The following ITGB3 variants were observed in gnomAD, a reference collection of about 807,000 sequenced individuals.
ITGB3 encodes integrin beta-3.
ITGB3 carries 48 observed loss-of-function variants against 85.8 expected under a neutral mutation model. The ratio of observed to expected loss-of-function variants is 0.56; its 90% CI spans 0.44 to 0.71. ITGB3 has a LOEUF of 0.71. Ranked by LOEUF, ITGB3 falls within the 30% of genes least tolerant of loss-of-function variation. ITGB3 has a pLI of 0.00. For synonymous variants in ITGB3, 363 were observed against 395.6 expected, an observed-to-expected ratio of 0.92 and a Z score of 0.98; for missense variants, 861 against 1,019.1, an observed-to-expected ratio of 0.84 and a Z score of 2.11.
intron 2 of ITGB3, among the ~76,000 whole-genome samples, chr17:47,278,350 G>C (rs2065070862): frequency 6.6e-6 from 1 of 152,222 alleles, no homozygotes; most frequent in East Asian, 1.9e-4. Flanking sequence ...CAGGGCCAAA[G>C]TGGGCAGATC....
chr17:47,263,367 C>A (rs2065014928), intron 1 of ITGB3, among the ~76,000 whole-genome samples: 2 of 152,126 alleles, frequency 1.3e-5, no homozygotes, highest in Admixed American at 1.3e-4. Context: ...ACAGGACCTG[C>A]CCTAGATCTT....
intron 1 of ITGB3, among the ~76,000 whole-genome samples, chr17:47,255,995 A>T (rs1380694703): frequency 6.7e-6 from 1 of 149,700 alleles, no homozygotes; most frequent in Non-Finnish European, 1.5e-5. Context: ...AAATAAATAA[A>T]TACATAATTA....
intron 12 of ITGB3, among the ~76,000 whole-genome samples, chr17:47,302,427 G>A (rs1170339143): frequency 1.3e-5 from 2 of 152,122 alleles, no homozygotes; most frequent in South Asian, 2.1e-4. Context: ...ATCACACAAC[G>A]GGTAGGTAGT....
chr17:47,256,541 GGGTCTTCA>G (rs2064990938), intron 1 of ITGB3, among the ~76,000 whole-genome samples: 1 of 151,932 alleles, frequency 6.6e-6, no homozygotes, highest in African/African-American at 2.4e-5. Context: ...GTTGGTGGTA[GGGTCTTCA>G]GATCCCTGGG....
chr17:47,262,438 A>G (rs2082089522), intron 1 of ITGB3, among the ~76,000 whole-genome samples: 2 of 152,222 alleles, frequency 1.3e-5, no homozygotes, highest in Admixed American at 1.3e-4. Flanking sequence ...ATATCAGGCC[A>G]TCAGGAAGAA....
intron 2 of ITGB3, among the ~76,000 whole-genome samples, chr17:47,279,050 A>AC (rs1305007527): frequency 7.2e-5 from 11 of 152,196 alleles, no homozygotes; most frequent in African/African-American, 2.4e-4. Context: ...TTACTTCCTG[A>AC]CCAACCCTGT....
chr17:47,283,520 C>A lies in ITGB3; in HGVS notation c.332C>A (p.Pro111His). ...GDSSQVTQVS[P>H]QRIALRLRPD... ...AGCTCCCAGGTCACTCAAGTCAGTC[C>A]CCAGAGGATTGCACTCCGGCTCCGG... Residue 111 changes from proline (P) to histidine (H), a missense_variant, in exon 3 of 15, where the codon CCC becomes CAC. Pro to His is a moderately conservative substitution (Grantham distance 77, BLOSUM62 -2). Transcript: ENST00000559488. 1.2e-6 allele frequency: 2 copies of A among 1,614,180 alleles called. No homozygotes were observed. Among genetic ancestry groups the A allele is most frequent in the African/African-American group, 2.7e-5 (2 of 75,034 alleles).
At chr17:47,257,026 CTT>C (rs944887624) in intron 1 of ITGB3, among the ~76,000 whole-genome samples, 2 of 152,168 alleles carry the variant, frequency 1.3e-5, no homozygotes, top group Non-Finnish European at 2.9e-5. Context: ...TACCTAATCT[CTT>C]GAGTCCTCAG....
chr17:47,292,146 T>G lies in ITGB3; in HGVS notation c.1268T>G (p.Phe423Cys), dbSNP rs1380825590. The G allele has an allele frequency of 2.5e-6, 4 of 1,614,028 alleles. No individual in the cohort carries two copies. The Admixed American group carries it at 6.7e-5, about 27-fold the overall frequency. ...ATCTTTCTTTCCATCCAGGTGAGCTTCAGCATTGAGGCCAAGGTGCGAGGC... is the reference window on the plus strand; with the variant it reads ...ATCTTTCTTTCCATCCAGGTGAGCTGCAGCATTGAGGCCAAGGTGCGAGGC... The part of the protein sequence containing the change: ...MGLKIGDTVS[F>C]SIEAKVRGCP... Residue 423 changes from phenylalanine (F) to cysteine (C), a missense_variant, in exon 10 of 15, where the codon TTC becomes TGC. By Grantham distance (205) the Phe-to-Cys change is radical. Coordinates refer to ENST00000559488, the MANE Select transcript of ITGB3 (RefSeq NM_000212.3).
intron 2 of ITGB3, among the ~76,000 whole-genome samples, chr17:47,274,839 G>T (rs116656918): frequency 0.042 from 6,347 of 152,212 alleles, 192 homozygotes; most frequent in Admixed American, 0.097. Context: ...TAGAGACAGG[G>T]TCTCACTATG....
chr17:47,254,203 G>T (rs1002690721), intron 1 of ITGB3, among the ~76,000 whole-genome samples: 1 of 152,196 alleles, frequency 6.6e-6, no homozygotes, highest in Middle Eastern at 3.4e-3. Flanking sequence ...CTTCCCGGCC[G>T]CCGCGGCGCG....
rs1267041320 is a variant in ITGB3 at position 47,313,211 on chromosome 17, C to T, written c.*3007C>T. Among the ~76,000 whole-genome samples the T allele has an allele frequency of 2.0e-5, 3 of 151,766 alleles. No homozygotes were observed. The highest frequency in any genetic ancestry group is 3.2e-3 in the Middle Eastern group (1 of 314). On this transcript the variant is annotated 3_prime_UTR_variant, in exon 15 of 15. Coordinates refer to ENST00000559488, the MANE Select transcript of ITGB3 (RefSeq NM_000212.3). ...CTGGTCTCGAACTCCTGACCTTAGG[C>T]GATCCACCTTCCTCGGCCTCCCACA...
intron 1 of ITGB3, among the ~76,000 whole-genome samples, chr17:47,267,867 ATTAG>A (rs902277567): frequency 6.6e-6 from 1 of 152,232 alleles, no homozygotes; most frequent in African/African-American, 2.4e-5. Flanking sequence ...CAGTGTCTGT[ATTAG>A]TTCATTTTCA....
At chr17:47,298,955 T>G (rs2065155787) in intron 10 of ITGB3, among the ~76,000 whole-genome samples, 1 of 152,200 alleles carries the variant, frequency 6.6e-6, no homozygotes, top group Admixed American at 6.5e-5. Context: ...TTCTAGTTCT[T>G]AGACTAGAAG....
chr17:47,276,829 A>C (rs2065065625), intron 2 of ITGB3, among the ~76,000 whole-genome samples: 1 of 152,208 alleles, frequency 6.6e-6, no homozygotes, highest in Non-Finnish European at 1.5e-5. Context: ...TTGGACATTG[A>C]CTTCAAAAAA....
At chr17:47,272,405 C>CT (rs908153657) in intron 1 of ITGB3, among the ~76,000 whole-genome samples, 2 of 151,508 alleles carry the variant, frequency 1.3e-5, no homozygotes, top group Non-Finnish European at 2.9e-5. Context: ...AATTATTTCC[C>CT]TTTTTTTTGA....
At chr17:47,295,455 G>A (rs2065142392) in intron 10 of ITGB3, among the ~76,000 whole-genome samples, 1 of 152,026 alleles carries the variant, frequency 6.6e-6, no homozygotes, top group Admixed American at 6.5e-5. Context: ...ACTTTCCGAT[G>A]AACCCGGACT....
chr17:47,302,817 TC>T lies in ITGB3; in HGVS notation c.2113del (p.Leu705CysfsTer4), dbSNP rs780384800. The T allele has an allele frequency of 6.2e-7, 1 of 1,614,182 alleles. No individual in the cohort carries two copies. The highest frequency in any genetic ancestry group is 2.2e-5 in the East Asian group (1 of 44,888). On this transcript the variant is annotated frameshift_variant, in exon 13 of 15. Coordinates refer to ENST00000559488, the MANE Select transcript of ITGB3 (RefSeq NM_000212.3). LOFTEE classifies it high-confidence loss of function. ...TATGAAGATTCTAGTGGAAAGTCCA[TC>T]CTGTATGTGGTAGAAGAGCCAGGTG... is the stretch of plus-strand genomic sequence containing the variant. The part of the protein sequence containing the change: ...QYYEDSSGKS[I>X]LYVVEEPECP...
At chr17:47,255,667 G>A (rs2064986738) in intron 1 of ITGB3, among the ~76,000 whole-genome samples, 1 of 150,464 alleles carries the variant, frequency 6.6e-6, no homozygotes, top group Admixed American at 6.6e-5. Context: ...TGATCAGCCT[G>A]CCTTGGCCTC....
Sources: gnomAD v4.1 joint callset for allele counts (sites outside exome capture counted in the v4.1 genomes callset) on GRCh38, gnomAD v4.1.1 for gene constraint, MANE v1.5 for transcripts, NCBI Gene and HGNC (gene_info 2026-07-23, HGNC 2026-07-21) for gene names.